The following NOD1 variants were observed in gnomAD, a reference collection of about 807,000 sequenced individuals.
NOD1 encodes nucleotide-binding oligomerization domain-containing protein 1.
Under a neutral mutation model 81.2 loss-of-function variants are expected in NOD1, and 70 were observed. The ratio of observed to expected loss-of-function variants is 0.86; its 90% CI spans 0.71 to 1.05. The LOEUF (loss-of-function observed/expected upper bound fraction) is 1.05. Among genes scored for constraint, NOD1 ranks in the 50% least tolerant of loss-of-function variants. The probability of loss-of-function intolerance (pLI) is 0.00; values close to 1 mark genes in which losing one functional copy is unlikely to be tolerated. For missense variants in NOD1, 1,233 were observed against 1,228.0 expected (o/e 1.00, Z -0.06); for synonymous variants, 508 against 526.9 (o/e 0.96, Z 0.49).
At chr7:30,477,501 G>GT (rs2128116074) in intron 1 of NOD1, among the ~76,000 whole-genome samples, 1 of 152,064 alleles carries the variant, frequency 6.6e-6, no homozygotes, top group African/African-American at 2.4e-5. Flanking sequence ...TGGCTTCACC[G>GT]TTTTTTTGTT....
chr7:30,460,685 A>G, intron 1 of NOD1: 1 of 985,424 alleles, frequency 1.0e-6, no homozygotes, highest in South Asian at 4.7e-5. Context: ...CCTGAGGCAA[A>G]GGCAGGTGGG....
chr7:30,456,855 G>A lies in NOD1; in HGVS notation c.67C>T (p.Leu23=). The A allele has an allele frequency of 6.2e-7, 1 of 1,614,216 alleles. No individual in the cohort carries two copies. Among genetic ancestry groups the A allele is most frequent in the Non-Finnish European group, 8.5e-7 (1 of 1,180,028 alleles). Residue 23 remains leucine (L), a synonymous_variant, in exon 4 of 14, where the codon CTG becomes TTG. Coordinates refer to ENST00000222823, the MANE Select transcript of NOD1 (RefSeq NM_006092.4). ...PSESHPHIQL[L]KSNRELLVTH... is the part of the protein sequence containing the mutation. ...ACCAGAAGTTCCCGATTGCTTTTCAGTAATTGAATGTGGGGGTGAGACTCT... is the reference window on the plus strand; with the variant it reads ...ACCAGAAGTTCCCGATTGCTTTTCAATAATTGAATGTGGGGGTGAGACTCT...
intron 1 of NOD1, among the ~76,000 whole-genome samples, chr7:30,466,650 A>G (rs1787724752): frequency 6.6e-6 from 1 of 152,162 alleles, no homozygotes; most frequent in African/African-American, 2.4e-5. Flanking sequence ...CTGGGTGACA[A>G]GTGAGACCCC....
chr7:30,476,953 C>T (rs1211634741), intron 1 of NOD1, among the ~76,000 whole-genome samples: 1 of 152,228 alleles, frequency 6.6e-6, no homozygotes, highest in Non-Finnish European at 1.5e-5. Context: ...CTAATAACTA[C>T]CTCTGCCAGA....
rs1161835823 is a variant in NOD1, at chr7:30,447,047, T to C, written c.2289A>G (p.Leu763=). The change falls in exon 8 of 14, where the codon TTA becomes TTG. Residue 763 remains leucine (L), a synonymous_variant. Coordinates refer to ENST00000222823, the MANE Select transcript of NOD1 (RefSeq NM_006092.4). Reference sequence around the variant, plus strand: ...CGACATCGGTGATCTGGTTGTTGTATAAACTTCAAGAGAAAGCACAGCCAT... The same window carrying C: ...CGACATCGGTGATCTGGTTGTTGTACAAACTTCAAGAGAAAGCACAGCCAT... ...TKYKIVTYLG[L]YNNQITDVGA... is the part of the protein sequence containing the mutation. 4 of 1,614,060 alleles carry C rather than the reference T, an allele frequency of 2.5e-6. No homozygotes were observed. The South Asian group carries it at 3.3e-5, about 13-fold the overall frequency.
intron 1 of NOD1, among the ~76,000 whole-genome samples, chr7:30,473,884 C>T (rs1393199718): frequency 6.6e-6 from 1 of 152,156 alleles, no homozygotes; most frequent in African/African-American, 2.4e-5. Flanking sequence ...TGTTGAGCCT[C>T]AGTTGTCTCC....
Position 30,455,296 on chromosome 7 carries a change from C to A in NOD1, c.217G>T (p.Asp73Tyr). The change falls in exon 5 of 14, where the codon GAC (aspartate) becomes TAC (tyrosine). Residue 73 changes from aspartate (D) to tyrosine (Y), a missense_variant. Transcript: ENST00000222823. ...TCCTCGCCCTTGCTCTGTACCAGGT[C>A]CAGAATTTTGCGGACCTGGAGGTGA... ...TQPDKVRKILDLVQSKGEEVS... is the reference protein window; with the variant it reads ...TQPDKVRKILYLVQSKGEEVS... 1 of 1,613,496 alleles carries A rather than the reference C, an allele frequency of 6.2e-7. No individual in the cohort carries two copies.
chr7:30,429,317 G>C, intron 13 of NOD1, 57 bp downstream of exon 13: 1 of 1,410,848 alleles, frequency 7.1e-7, no homozygotes, highest in Non-Finnish European at 1.0e-6. Context: ...TGCACAGTCA[G>C]TGGTGGTGAG....
chr7:30,457,678 G>A (rs1444702001), intron 3 of NOD1, among the ~76,000 whole-genome samples: 1 of 152,118 alleles, frequency 6.6e-6, no homozygotes, highest in Non-Finnish European at 1.5e-5. Context: ...AGGGCTTGGA[G>A]GTTTCTGCAT....
chr7:30,470,276 C>A (rs1383492087), intron 1 of NOD1, among the ~76,000 whole-genome samples: 1 of 152,224 alleles, frequency 6.6e-6, no homozygotes, highest in African/African-American at 2.4e-5. Flanking sequence ...TTTAGAACAG[C>A]ACTGGTCACA....
rs566702021 is a variant in NOD1 at position 30,462,432 on chromosome 7, T to G, written c.-351-2391A>C. On this transcript the variant is annotated intron_variant, in intron 1 of 13. Coordinates refer to ENST00000222823, the MANE Select transcript of NOD1 (RefSeq NM_006092.4). ...GAATCAGGGGTTCTGATGGGTTTTT[T>G]TTTTTTTTTTGCTGTTTTTTCTTTT... is the stretch of plus-strand genomic sequence containing the variant. 3.7e-3 allele frequency among the ~76,000 whole-genome samples: 565 copies of G among 152,118 alleles called. 1 individual carries two copies. The highest frequency in any genetic ancestry group is 6.2e-3 in the Non-Finnish European group (420 of 67,980).
At chr7:30,449,069 G>T (rs1168244000) in intron 6 of NOD1, among the ~76,000 whole-genome samples, 1 of 152,226 alleles carries the variant, frequency 6.6e-6, no homozygotes, top group Non-Finnish European at 1.5e-5. Context: ...GAAGCAGCCA[G>T]TAAGTAAATA....
At chr7:30,446,263 C>G in intron 8 of NOD1, 39 bp from the exon 9 acceptor site, 1 of 1,488,636 alleles carries the variant, frequency 6.7e-7, no homozygotes, top group Non-Finnish European at 9.4e-7. Context: ...TCCAGCTATG[C>G]AGGGGCTCCA....
chr7:30,436,342 G>A lies in NOD1; in HGVS notation c.2538-261C>T, dbSNP rs1784377676. ...CTCACACAACAGTGGGCTGGGGTCG[G>A]CACCTCAGGTTTCTGCACATGGGCA... On this transcript the variant is annotated intron_variant, in intron 10 of 13. Transcript: ENST00000222823. Among the ~76,000 whole-genome samples, 6 of 152,348 alleles carry A rather than the reference G, an allele frequency of 3.9e-5. No homozygotes were observed. In the South Asian group the frequency reaches 8.3e-4, roughly 21 times the overall value.
At chr7:30,466,808 C>T (rs549438900) in intron 1 of NOD1, among the ~76,000 whole-genome samples, 1 of 152,310 alleles carries the variant, frequency 6.6e-6, no homozygotes, top group South Asian at 2.1e-4. Flanking sequence ...AAATATAACA[C>T]CATTCCCTGT....
chr7:30,458,381 G>GT (rs1161477833), intron 3 of NOD1, among the ~76,000 whole-genome samples: 1 of 151,918 alleles, frequency 6.6e-6, no homozygotes, highest in Non-Finnish European at 1.5e-5. Flanking sequence ...TAAAAAAAAG[G>GT]TTTTTTTGTA....
At chr7:30,457,199 C>T (rs147585489) in intron 3 of NOD1, among the ~76,000 whole-genome samples, 157 bp from the exon 4 acceptor site, 1,603 of 152,272 alleles carry the variant, frequency 0.011, 26 homozygotes, top group African/African-American at 0.035. Flanking sequence ...GTAATCCCAG[C>T]GCTTTGGGAG....
chr7:30,475,686 TTAG>T (rs1788708419), intron 1 of NOD1, among the ~76,000 whole-genome samples: 2 of 152,196 alleles, frequency 1.3e-5, no homozygotes, highest in Admixed American at 1.3e-4. Context: ...CATGCCTGCC[TTAG>T]CCAACTCTGC....
In NOD1 at chr7:30,425,431, C is replaced by G; in HGVS notation, c.*207G>C. On this transcript the variant is annotated 3_prime_UTR_variant, in exon 14 of 14. Transcript: ENST00000222823. Reference sequence around the variant, plus strand: ...ACTACAACAGCTCGCAAGACACATTCTTTTTCTGCAGAATTGTAGCGGGTA... The same window carrying G: ...ACTACAACAGCTCGCAAGACACATTGTTTTTCTGCAGAATTGTAGCGGGTA... The G allele has an allele frequency of 3.3e-6, 2 of 597,500 alleles. No individual in the cohort carries two copies. Among genetic ancestry groups the G allele is most frequent in the South Asian group, 2.0e-5 (1 of 49,510 alleles). 37.0% of individuals were successfully genotyped at this position (597,500 alleles called of 1,614,324 possible).
Sources: gnomAD v4.1 joint callset for allele counts (sites outside exome capture counted in the v4.1 genomes callset) on GRCh38, gnomAD v4.1.1 for gene constraint, MANE v1.5 for transcripts, NCBI Gene and HGNC (gene_info 2026-07-23, HGNC 2026-07-21) for gene names.